The following ERBB2 variants were observed in gnomAD, a reference collection of about 807,000 sequenced individuals.
ERBB2 encodes the protein erb-b2 receptor tyrosine kinase 2.
Under a neutral mutation model 149.0 loss-of-function variants are expected in ERBB2, and 61 were observed. The observed-to-expected ratio is 0.41, with a 90% confidence interval of 0.33 to 0.51. The LOEUF is 0.51. ERBB2 is among the 20% of genes least tolerant of loss of function. The pLI, the probability that ERBB2 is intolerant of heterozygous loss-of-function variation, is 0.25. For missense variants in ERBB2, 1,205 were observed against 1,655.1 expected, an observed-to-expected ratio of 0.73 and a Z score of 4.72; for synonymous variants, 633 against 678.8, an observed-to-expected ratio of 0.93 and a Z score of 1.05.
rs1269270352 is a variant in ERBB2, at chr17:39,728,303, A to T, written c.*259A>T. On this transcript the variant is annotated 3_prime_UTR_variant, in exon 27 of 27. Coordinates refer to ENST00000269571, the MANE Select transcript of ERBB2 (RefSeq NM_004448.4). ...CCTGCCCAATGAGACTCTAGGGTCC[A>T]GTGGATGCCACAGCCCAGCTTGGCC... 5 of 396,094 alleles carry T rather than the reference A, an allele frequency of 1.3e-5. No homozygotes were observed. The highest frequency in any genetic ancestry group is 2.3e-5 in the Non-Finnish European group (5 of 219,210). 24.5% of individuals were successfully genotyped at this position (396,094 alleles called of 1,614,324 possible). A position where few individuals can be genotyped will look rare whatever the true frequency, so the allele number is the denominator to read the frequency against.
chr17:39,715,379 C>T lies in ERBB2; in HGVS notation c.1222+20C>T, dbSNP rs371089225. 7.7e-5 allele frequency: 124 copies of T among 1,613,548 alleles called. No individual in the cohort carries two copies. Among genetic ancestry groups the T allele is most frequent in the Non-Finnish European group, 1.0e-4 (119 of 1,179,544 alleles). ...TCACAGGTGGGCTCTGTCTCTGCAT[C>T]CTGTTCTGCAGGGGCTGGGAGTCCT... On this transcript the variant is annotated intron_variant, in intron 10 of 26. Transcript: ENST00000269571.
chr17:39,695,757 A>ACACG (rs1197572966), upstream of ERBB2, among the ~76,000 whole-genome samples: 3 of 142,470 alleles, frequency 2.1e-5, no homozygotes, highest in Non-Finnish European at 4.6e-5. Context: ...ACACACACAC[A>ACACG]CGTCTCCTGT....
chr17:39,702,356 G>A (rs903794668), intron 1 of ERBB2, among the ~76,000 whole-genome samples: 2 of 152,174 alleles, frequency 1.3e-5, no homozygotes, highest in Non-Finnish European at 2.9e-5. Flanking sequence ...CAAGGGGTGA[G>A]GTCTGGGGCA....
chr17:39,706,203 A>G (rs1237838370), intron 1 of ERBB2, among the ~76,000 whole-genome samples: 1 of 152,218 alleles, frequency 6.6e-6, no homozygotes, highest in Admixed American at 6.5e-5. Context: ...GGGCTGACGT[A>G]GTGCCTTTGT....
chr17:39,721,261 CTTTTTT>C (rs33957748), intron 16 of ERBB2, among the ~76,000 whole-genome samples: 4 of 82,946 alleles, frequency 4.8e-5, no homozygotes, highest in Admixed American at 1.4e-4. Flanking sequence ...TGAGCCAAGT[CTTTTTT>C]TTTTTTTTTT....
At chr17:39,709,759 G>A (rs1351037212) in intron 4 of ERBB2, 54 bp from the exon 5 acceptor site, 37 of 1,518,396 alleles carry the variant, frequency 2.4e-5, no homozygotes, top group Middle Eastern at 1.7e-4. Context: ...TTACTAACCC[G>A]TCCTCTCGCT....
At chr17:39,722,393 C>T (rs1167848728) in intron 16 of ERBB2, among the ~76,000 whole-genome samples, 1 of 151,998 alleles carries the variant, frequency 6.6e-6, no homozygotes, top group Non-Finnish European at 1.5e-5. Context: ...GTCCCAGCTA[C>T]TTGGGCAGCT....
In ERBB2 at chr17:39,715,473, A is replaced by C. The variant is rs776714622; in HGVS notation, c.1250A>C (p.Asp417Ala). ...TACCTATACATCTCAGCATGGCCGGACAGCCTGCCTGACCTCAGCGTCTTC... is the reference window on the plus strand; with the variant it reads ...TACCTATACATCTCAGCATGGCCGGCCAGCCTGCCTGACCTCAGCGTCTTC... Reference protein sequence around the residue: ...TGYLYISAWPDSLPDLSVFQN... With the variant: ...TGYLYISAWPASLPDLSVFQN... The change falls in exon 11 of 27, where the codon GAC becomes GCC. Residue 417 changes from aspartate (D) to alanine (A), a missense_variant. By Grantham distance (126) the Asp-to-Ala change is moderately radical (BLOSUM62 -2). Coordinates refer to ENST00000269571, the MANE Select transcript of ERBB2 (RefSeq NM_004448.4). 9 of 1,614,058 alleles carry C rather than the reference A, an allele frequency of 5.6e-6. No homozygotes were observed. Among genetic ancestry groups the C allele is most frequent in the Non-Finnish European group, 7.6e-6 (9 of 1,180,032 alleles).
intron 9 of ERBB2, among the ~76,000 whole-genome samples, chr17:39,714,109 C>T (rs535558505): frequency 4.6e-5 from 7 of 152,114 alleles, no homozygotes; most frequent in African/African-American, 1.7e-4. Flanking sequence ...TACCTCCACT[C>T]CCCTTTCCAG....
Position 39,723,797 on chromosome 17 carries a change from C to T in ERBB2, c.2209-115C>T, listed in dbSNP as rs1252548139. ...AGGGCAGTTACAGCGGAGAAGGGAG[C>T]GGGGCCAAGCCCTAGGGTGGTGAAG... On this transcript the variant is annotated intron_variant, in intron 18 of 26. Coordinates refer to ENST00000269571, the MANE Select transcript of ERBB2 (RefSeq NM_004448.4). The surrounding 1 kb of genome is among the most constrained non-coding windows in gnomAD (Gnocchi z 6.2). The T allele has an allele frequency of 1.4e-6, 2 of 1,477,646 alleles. No homozygotes were observed. Among genetic ancestry groups the T allele is most frequent in the East Asian group, 2.3e-5 (1 of 42,948 alleles). 91.5% of individuals were successfully genotyped at this position (1,477,646 alleles called of 1,614,324 possible).
chr17:39,725,100 C>A lies in ERBB2; in HGVS notation c.2545C>A (p.Arg849=). 1 of 1,614,046 alleles carries A rather than the reference C, an allele frequency of 6.2e-7. No homozygotes were observed. Among genetic ancestry groups the A allele is most frequent in the Non-Finnish European group, 8.5e-7 (1 of 1,180,020 alleles). ...VRLVHRDLAA[R]NVLVKSPNHV... is the part of the protein sequence containing the mutation. ...GCTCGTACACAGGGACTTGGCCGCTCGGAACGTGCTGGTCAAGAGTCCCAA... is the reference window on the plus strand; with the variant it reads ...GCTCGTACACAGGGACTTGGCCGCTAGGAACGTGCTGGTCAAGAGTCCCAA... Residue 849 remains arginine, a synonymous_variant, in exon 21 of 27, where the codon CGG becomes AGG. Coordinates refer to ENST00000269571, the MANE Select transcript of ERBB2 (RefSeq NM_004448.4). This position sits in a 1 kb window ranked among gnomAD's most constrained non-coding sequence, Gnocchi z 4.6.
At position 39,726,877 on chromosome 17, in the gene ERBB2, C is replaced by A; in HGVS notation, c.3033C>A (p.Asp1011Glu). 1 of 1,613,946 alleles carries A rather than the reference C, an allele frequency of 6.2e-7. No individual in the cohort carries two copies. The stretch of plus-strand genomic sequence containing the variant: ...CCTTCTACCGCTCACTGCTGGAGGA[C>A]GATGACATGGGGGACCTGGTGGATG... ...DSTFYRSLLE[D>E]DDMGDLVDAE... Residue 1011 changes from aspartate (D) to glutamate (E), a missense_variant, in exon 25 of 27, where the codon GAC (aspartate) becomes GAA (glutamate). By Grantham distance (45) the Asp-to-Glu change is conservative (BLOSUM62 2). Transcript: ENST00000269571. The surrounding 1 kb of genome is among the most constrained non-coding windows in gnomAD (Gnocchi z 5.1).
At position 39,714,932 on chromosome 17, in the gene ERBB2, G is replaced by A. The variant is rs556058947; in HGVS notation, c.1149-354G>A. Among the ~76,000 whole-genome samples the A allele has an allele frequency of 2.0e-5, 3 of 151,994 alleles. No individual in the cohort carries two copies. The East Asian group carries it at 5.8e-4, about 29-fold the overall frequency. On this transcript the variant is annotated intron_variant, in intron 9 of 26. Coordinates refer to ENST00000269571, the MANE Select transcript of ERBB2 (RefSeq NM_004448.4). ...CTATAGGCGCGCGGCACCACACCCA[G>A]CTAATTTTTGTATTTGTAGTAGAGA...
chr17:39,714,413 G>A (rs563386448), intron 9 of ERBB2, among the ~76,000 whole-genome samples: 6 of 152,284 alleles, frequency 3.9e-5, no homozygotes, highest in Admixed American at 3.9e-4. Context: ...CCACTTACTA[G>A]GCATGTGACC....
Position 39,709,181 on chromosome 17 carries a change from G to T in ERBB2, c.440-137G>T, listed in dbSNP as rs962419713. On this transcript the variant is annotated intron_variant, in intron 3 of 26. Transcript: ENST00000269571. ...GGTGGTGGGACTCAAAGACGGTAAAGATAGCTTTCTCTCCTCCCTGGGGAA... is the reference window on the plus strand; with the variant it reads ...GGTGGTGGGACTCAAAGACGGTAAATATAGCTTTCTCTCCTCCCTGGGGAA... 4.2e-5 allele frequency: 42 copies of T among 989,722 alleles called. No individual in the cohort carries two copies. The Admixed American group carries it at 9.3e-4, about 22-fold the overall frequency. The allele number at this position is 989,722 out of a possible 1,614,324, so 61.3% of individuals were successfully genotyped here.
upstream of ERBB2, among the ~76,000 whole-genome samples, chr17:39,694,247 A>ATATGTG (rs1555612005): frequency 9.1e-5 from 4 of 43,854 alleles, no homozygotes; most frequent in African/African-American, 3.0e-4. Flanking sequence ...ATATATATAT[A>ATATGTG]TATATATATA....
Position 39,725,543 on chromosome 17 carries a change from C to G in ERBB2, c.2725+141C>G. On this transcript the variant is annotated intron_variant, in intron 22 of 26. Coordinates refer to ENST00000269571, the MANE Select transcript of ERBB2 (RefSeq NM_004448.4). The surrounding 1 kb of genome is among the most constrained non-coding windows in gnomAD (Gnocchi z 4.6). ...CTGCCTGTGCCCCACCTTGCAGGGT[C>G]TGTGCACTTCCCAGGATTAGGGAAA... 2.5e-6 allele frequency: 3 copies of G among 1,187,782 alleles called. No homozygotes were observed. Among genetic ancestry groups the G allele is most frequent in the Non-Finnish European group, 3.6e-6 (3 of 830,646 alleles). 73.6% of individuals were successfully genotyped at this position (1,187,782 alleles called of 1,614,324 possible).
chr17:39,699,483 G>A (rs1457521330), upstream of ERBB2: 3 of 1,434,068 alleles, frequency 2.1e-6, no homozygotes, highest in Non-Finnish European at 9.3e-7. Context: ...AAGTCCTTTC[G>A]ATGTGACTGT....
upstream of ERBB2, chr17:39,699,649 C>T (rs2057971127): frequency 9.4e-7 from 1 of 1,065,448 alleles, no homozygotes. Context: ...GTGGGAAAAC[C>T]ATTATTTGAT....
Sources: gnomAD v4.1 joint callset for allele counts (sites outside exome capture counted in the v4.1 genomes callset) on GRCh38, gnomAD v4.1.1 for gene constraint, Gnocchi (gnomAD v3.1) non-coding constraint, MANE v1.5 for transcripts, NCBI Gene and HGNC (gene_info 2026-07-23, HGNC 2026-07-21) for gene names.